COP1: variants seen among roughly 807,000 people sequenced by gnomAD.
The protein encoded by COP1 is COP1 E3 ubiquitin ligase.
A neutral mutation model predicts 101.3 loss-of-function variants in COP1; 24 were observed. That is an observed-to-expected ratio of 0.24 (90% CI 0.17 to 0.33). COP1 has a LOEUF of 0.33. Among genes scored for constraint, COP1 ranks in the 10% least tolerant of loss-of-function variants. The probability of loss-of-function intolerance (pLI) is 1.00; values close to 1 mark genes in which losing one functional copy is unlikely to be tolerated. For missense variants in COP1, 663 were observed against 906.2 expected (o/e 0.73, Z 3.45); for synonymous variants, 347 against 341.9 (o/e 1.01, Z -0.17).
At chr1:176,186,551 A>AG (rs1698465194) in intron 1 of COP1, among the ~76,000 whole-genome samples, 1 of 152,094 alleles carries the variant, frequency 6.6e-6, no homozygotes, top group African/African-American at 2.4e-5. Context: ...AAAAGAAAAG[A>AG]GAAAAAAAAG....
chr1:176,029,124 A>T (rs1430597331), intron 14 of COP1, among the ~76,000 whole-genome samples: 1 of 152,290 alleles, frequency 6.6e-6, no homozygotes, highest in East Asian at 1.9e-4. Flanking sequence ...ATGTACACAA[A>T]CATCTTTAAA....
chr1:176,175,868 G>A, intron 3 of COP1, 42 bp downstream of exon 3: 1 of 1,158,574 alleles, frequency 8.6e-7, no homozygotes, highest in South Asian at 1.3e-5. Context: ...CAATTTTGGG[G>A]ATCGAAATAT....
intron 1 of COP1, among the ~76,000 whole-genome samples, chr1:176,193,724 T>G (rs573894581): frequency 6.6e-6 from 1 of 152,128 alleles, no homozygotes; most frequent in African/African-American, 2.4e-5. Context: ...TATTATATGA[T>G]TGCATTTATA....
intron 5 of COP1, among the ~76,000 whole-genome samples, chr1:176,155,606 A>G (rs983953373): frequency 6.6e-6 from 1 of 151,986 alleles, no homozygotes; most frequent in African/African-American, 2.4e-5. Context: ...AATCCTAGGC[A>G]TTGAATTTGT....
At chr1:176,166,109 A>G (rs554471142) in intron 3 of COP1, among the ~76,000 whole-genome samples, 8 of 152,156 alleles carry the variant, frequency 5.3e-5, no homozygotes, top group Non-Finnish European at 8.8e-5. Flanking sequence ...ACTAAAGATC[A>G]AGCCTGTATT....
intron 8 of COP1, among the ~76,000 whole-genome samples, chr1:176,119,253 T>C (rs1299861288): frequency 2.0e-5 from 3 of 152,206 alleles, no homozygotes; most frequent in African/African-American, 7.2e-5. Context: ...TGAAACTCAA[T>C]CCCTTAGTGT....
At chr1:176,183,042 T>C (rs1397706822) in intron 2 of COP1, among the ~76,000 whole-genome samples, 1 of 152,222 alleles carries the variant, frequency 6.6e-6, no homozygotes, top group African/African-American at 2.4e-5. Flanking sequence ...AGCAATAATA[T>C]ACATTGCTGT....
At chr1:176,006,775 C>G (rs1045562268) in intron 15 of COP1, among the ~76,000 whole-genome samples, 1 of 152,080 alleles carries the variant, frequency 6.6e-6, no homozygotes, top group African/African-American at 2.4e-5. Flanking sequence ...TCTGGCTGCC[C>G]TTAACATTTT....
intron 11 of COP1, among the ~76,000 whole-genome samples, chr1:176,058,267 T>G (rs1225737385): frequency 4.6e-5 from 7 of 151,640 alleles, no homozygotes; most frequent in Non-Finnish European, 7.4e-5. Context: ...CTGGGAGGTG[T>G]ACCCAACAGC....
intron 13 of COP1, 141 bp downstream of exon 13, chr1:176,043,569 G>T: frequency 1.6e-6 from 1 of 623,946 alleles, no homozygotes. Context: ...AAAAGCATTT[G>T]GTATTGCATA....
Position 176,057,649 on chromosome 1 carries a change from C to T in COP1, c.1278-11325G>A, listed in dbSNP as rs560952875. On this transcript the variant is annotated intron_variant, in intron 11 of 19. Coordinates refer to ENST00000367669, the MANE Select transcript of COP1 (RefSeq NM_022457.7). ...CGTTCACTCAGTGCTCAATGGTGCC[C>T]AGGCTGGAGTGCAGTGGCGTGATCT... Among the ~76,000 whole-genome samples, 199 of 152,304 alleles carry T rather than the reference C, an allele frequency of 1.3e-3. 2 individuals are homozygous for T. The highest frequency in any genetic ancestry group is 4.4e-3 in the African/African-American group (185 of 41,582).
intron 8 of COP1, among the ~76,000 whole-genome samples, chr1:176,127,400 T>C (rs1249685477): frequency 6.6e-6 from 1 of 152,180 alleles, no homozygotes; most frequent in East Asian, 1.9e-4. Context: ...GCTCTACTTG[T>C]ATGAGTTCAA....
At chr1:175,995,473 G>T (rs962421119) in intron 15 of COP1, among the ~76,000 whole-genome samples, 2 of 151,956 alleles carry the variant, frequency 1.3e-5, no homozygotes, top group African/African-American at 4.8e-5. Flanking sequence ...TTTTTTGAAA[G>T]GATCAACAAA....
intron 9 of COP1, among the ~76,000 whole-genome samples, chr1:176,094,321 A>G (rs1681925850): frequency 6.6e-6 from 1 of 151,910 alleles, no homozygotes; most frequent in African/African-American, 2.4e-5. Context: ...ATTGTTGGTA[A>G]ATATGCAACA....
chr1:176,164,683 A>C (rs1401152337), intron 3 of COP1, among the ~76,000 whole-genome samples: 1 of 152,192 alleles, frequency 6.6e-6, no homozygotes, highest in African/African-American at 2.4e-5. Context: ...AGAAAAGAAC[A>C]AGAGAAAGAA....
chr1:176,138,153 A>C (rs747599895), intron 6 of COP1, among the ~76,000 whole-genome samples: 1 of 152,208 alleles, frequency 6.6e-6, no homozygotes, highest in Non-Finnish European at 1.5e-5. Flanking sequence ...TGACAGAATA[A>C]GCAGAGTAAA....
At chr1:175,976,270 C>CTTTTTTTTTTTTTTTTTTTTT (rs10694480) in intron 18 of COP1, among the ~76,000 whole-genome samples, 5 of 56,834 alleles carry the variant, frequency 8.8e-5, no homozygotes, top group Non-Finnish European at 8.9e-5. Flanking sequence ...ATTAGTCATT[C>CTTTTTTTTTTTTTTTTTTTTT]TTTTTTTTTT....
chr1:175,999,133 A>C (rs959679354), intron 15 of COP1, among the ~76,000 whole-genome samples: 1 of 152,098 alleles, frequency 6.6e-6, no homozygotes, highest in Non-Finnish European at 1.5e-5. Flanking sequence ...AAAATTAAAA[A>C]TAAAAATGTA....
intron 9 of COP1, among the ~76,000 whole-genome samples, chr1:176,109,289 T>C (rs144292147): frequency 2.7e-3 from 409 of 152,278 alleles, no homozygotes; most frequent in Non-Finnish European, 4.5e-3. Flanking sequence ...GCTGTTTAAA[T>C]TATTGTTTAG....
Sources: allele counts gnomAD v4.1 joint callset (sites outside exome capture counted in the v4.1 genomes callset), GRCh38; gene constraint gnomAD v4.1.1; transcripts MANE v1.5; gene names NCBI Gene and HGNC (gene_info 2026-07-23, HGNC 2026-07-21).